TNIK: variants seen among roughly 807,000 people sequenced by gnomAD.
The protein encoded by TNIK is TRAF2 and NCK-interacting protein kinase.
A neutral mutation model predicts 191.3 loss-of-function variants in TNIK; 49 were observed. That is an observed-to-expected ratio of 0.26 (90% CI 0.20 to 0.32). The LOEUF (loss-of-function observed/expected upper bound fraction) is 0.32, where lower values mean the gene tolerates loss of function less well. Among genes scored for constraint, TNIK ranks in the 10% least tolerant of loss-of-function variants. The probability of loss-of-function intolerance (pLI) is 1.00; values close to 1 mark genes in which losing one functional copy is unlikely to be tolerated. For synonymous variants in TNIK, 594 were observed against 600.9 expected (o/e 0.99, Z 0.17); for missense variants, 1,155 against 1,702.3 (o/e 0.68, Z 5.66).
chr3:171,403,474 C>T (rs938261874), intron 1 of TNIK, among the ~76,000 whole-genome samples: 4 of 152,128 alleles, frequency 2.6e-5, no homozygotes, highest in Middle Eastern at 3.4e-3. Context: ...ATTAGTTGGG[C>T]GTGGTGGCAC....
In TNIK at chr3:171,108,176, A is replaced by G; in HGVS notation, c.2285-14T>C. 1.3e-6 allele frequency: 2 copies of G among 1,525,674 alleles called. No individual in the cohort carries two copies. Among genetic ancestry groups the G allele is most frequent in the African/African-American group, 1.4e-5 (1 of 71,772 alleles). 94.5% of individuals were successfully genotyped at this position (1,525,674 alleles called of 1,614,324 possible). ...ACTTACTGTTGGCTAGAGGAAAAAA[A>G]CAGAGGACCAAGAAAGAGATGGCCA... On this transcript the variant is annotated splice_polypyrimidine_tract_variant and intron_variant, in intron 19 of 32. Transcript: ENST00000436636.
At chr3:171,171,730 G>T (rs1195598702) in intron 9 of TNIK, among the ~76,000 whole-genome samples, 1 of 152,120 alleles carries the variant, frequency 6.6e-6, no homozygotes, top group Non-Finnish European at 1.5e-5. Flanking sequence ...GGATGAGCAG[G>T]GTGGCAAGAG....
chr3:171,398,953 C>T (rs1199521100), intron 1 of TNIK, among the ~76,000 whole-genome samples: 2 of 152,140 alleles, frequency 1.3e-5, no homozygotes, highest in African/African-American at 4.8e-5. Context: ...GAATCAGAGG[C>T]TCTCCTCTCT....
At chr3:171,142,813 G>C (rs1296970403) in intron 12 of TNIK, among the ~76,000 whole-genome samples, 1 of 152,208 alleles carries the variant, frequency 6.6e-6, no homozygotes, top group Non-Finnish European at 1.5e-5. Context: ...TACAGATCTG[G>C]ATCCTGGCAG....
At chr3:171,431,303 TATGATAG>T (rs1307382862) in intron 1 of TNIK, among the ~76,000 whole-genome samples, 1 of 152,182 alleles carries the variant, frequency 6.6e-6, no homozygotes, top group Non-Finnish European at 1.5e-5. Flanking sequence ...TGGTAGCTGC[TATGATAG>T]ATCTTGACGT....
chr3:171,244,106 C>T (rs886069678), intron 2 of TNIK, among the ~76,000 whole-genome samples: 1 of 151,068 alleles, frequency 6.6e-6, no homozygotes, highest in African/African-American at 2.4e-5. Flanking sequence ...TGTCGCCCGC[C>T]GGGGTGGGAA....
intron 12 of TNIK, among the ~76,000 whole-genome samples, chr3:171,142,525 A>G (rs1443213044): frequency 6.6e-6 from 1 of 152,210 alleles, no homozygotes; most frequent in African/African-American, 2.4e-5. Flanking sequence ...TGGTGACGAC[A>G]GGTTGTAGGA....
chr3:171,425,736 G>C (rs1354096655), intron 1 of TNIK, among the ~76,000 whole-genome samples: 1 of 151,370 alleles, frequency 6.6e-6, no homozygotes, highest in East Asian at 1.9e-4. Context: ...ACTGAGGCAG[G>C]AGAATCCCTT....
intron 2 of TNIK, among the ~76,000 whole-genome samples, chr3:171,241,582 C>G (rs1000268720): frequency 6.6e-5 from 10 of 152,002 alleles, no homozygotes; most frequent in Non-Finnish European, 1.3e-4. Context: ...TATTTTCCAC[C>G]TAGGAAGATT....
chr3:171,417,800 G>A (rs924112817), intron 1 of TNIK, among the ~76,000 whole-genome samples: 3 of 152,124 alleles, frequency 2.0e-5, no homozygotes, highest in African/African-American at 7.2e-5. Flanking sequence ...TAATCAAAGG[G>A]CTTTGAAAGA....
intron 23 of TNIK, among the ~76,000 whole-genome samples, chr3:171,089,996 G>A (rs2108399519): frequency 6.6e-6 from 1 of 152,252 alleles, no homozygotes; most frequent in South Asian, 2.1e-4. Context: ...AATCAGGGGT[G>A]GATGCCTGAG....
At chr3:171,317,397 C>G (rs1272931334) in intron 2 of TNIK, among the ~76,000 whole-genome samples, 1 of 152,124 alleles carries the variant, frequency 6.6e-6, no homozygotes, top group Non-Finnish European at 1.5e-5. Flanking sequence ...TCCAGCTATC[C>G]ATGGAGGACT....
chr3:171,218,826 T>C (rs1560277879), intron 3 of TNIK, among the ~76,000 whole-genome samples: 1 of 139,814 alleles, frequency 7.2e-6, no homozygotes, highest in Non-Finnish European at 1.5e-5. Context: ...TTTTATATAT[T>C]ATAAATATAT....
intron 2 of TNIK, among the ~76,000 whole-genome samples, chr3:171,278,442 T>C (rs1359326743): frequency 4.6e-5 from 7 of 152,150 alleles, no homozygotes; most frequent in Admixed American, 4.6e-4. Context: ...ACTCAGCAGC[T>C]GGGCATTCAA....
chr3:171,275,805 G>A (rs1248532406), intron 2 of TNIK, among the ~76,000 whole-genome samples: 1 of 152,086 alleles, frequency 6.6e-6, no homozygotes, highest in East Asian at 1.9e-4. Context: ...GCTGAGGCAG[G>A]AGAATGGTGT....
At chr3:171,409,022 C>G (rs1049930013) in intron 1 of TNIK, among the ~76,000 whole-genome samples, 1 of 151,914 alleles carries the variant, frequency 6.6e-6, no homozygotes, top group Non-Finnish European at 1.5e-5. Context: ...TTCAGGGACA[C>G]TAATATAAAA....
At chr3:171,315,020 A>G (rs1259611059) in intron 2 of TNIK, among the ~76,000 whole-genome samples, 1 of 152,180 alleles carries the variant, frequency 6.6e-6, no homozygotes, top group Non-Finnish European at 1.5e-5. Context: ...AAAAGTCATT[A>G]GTAACAACAA....
At chr3:171,452,028 G>C (rs9871630) in intron 1 of TNIK, among the ~76,000 whole-genome samples, 3,596 of 152,222 alleles carry the variant, frequency 0.024, 67 homozygotes, top group African/African-American at 0.048. Flanking sequence ...TACTGCCAAG[G>C]TTCTAATTTC....
Position 171,063,524 on chromosome 3 carries a change from T to A in TNIK, c.*357A>T, listed in dbSNP as rs1718045123. The A allele has an allele frequency of 5.8e-6, 1 of 172,006 alleles. No individual in the cohort carries two copies. Among genetic ancestry groups the A allele is most frequent in the Non-Finnish European group, 1.2e-5 (1 of 81,534 alleles). 10.7% of individuals were successfully genotyped at this position (172,006 alleles called of 1,614,324 possible). On this transcript the variant is annotated 3_prime_UTR_variant, in exon 33 of 33. Coordinates refer to ENST00000436636, the MANE Select transcript of TNIK (RefSeq NM_015028.4). Reference sequence around the variant, plus strand: ...TCCCCATTCTTGCAGAGTAAAGGGGTAAAGAAAAAAGGTAAAAACCTGAAA... The same window carrying A: ...TCCCCATTCTTGCAGAGTAAAGGGGAAAAGAAAAAAGGTAAAAACCTGAAA...
Sources: allele counts gnomAD v4.1 joint callset (sites outside exome capture counted in the v4.1 genomes callset), GRCh38; gene constraint gnomAD v4.1.1; transcripts MANE v1.5; gene names NCBI Gene and HGNC (gene_info 2026-07-23, HGNC 2026-07-21).